The following PIBF1 variants were observed in gnomAD, a reference collection of about 807,000 sequenced individuals.
PIBF1 encodes the protein progesterone immunomodulatory binding factor 1.
PIBF1 carries 90 observed loss-of-function variants against 112.5 expected under a neutral mutation model. The ratio of observed to expected loss-of-function variants is 0.80; its 90% confidence interval spans 0.67 to 0.95. PIBF1 has a LOEUF of 0.95. Among genes scored for constraint, PIBF1 ranks in the 40% least tolerant of loss-of-function variants. PIBF1 has a pLI of 0.00. For synonymous variants in PIBF1, 301 were observed against 288.6 expected (o/e 1.04, Z -0.44); for missense variants, 915 against 852.3 (o/e 1.07, Z -0.92).
intron 16 of PIBF1, among the ~76,000 whole-genome samples, chr13:72,996,935 A>C (rs9318132): frequency 0.66 from 100,671 of 152,038 alleles, 34,400 homozygotes; most frequent in East Asian, 0.84. Flanking sequence ...AATTTTGCTG[A>C]TCTTAAAGTG....
intron 13 of PIBF1, 32 bp downstream of exon 13, chr13:72,917,198 T>TTGAGTAGATA: frequency 7.8e-7 from 1 of 1,288,420 alleles, no homozygotes. Flanking sequence ...TTTATTTATC[T>TTGAGTAGATA]ACTCAAGATG....
At chr13:72,874,223 A>G (rs2039296560) in intron 10 of PIBF1, among the ~76,000 whole-genome samples, 1 of 152,214 alleles carries the variant, frequency 6.6e-6, no homozygotes, top group South Asian at 2.1e-4. Flanking sequence ...TAAACTTAGT[A>G]TAAGACCCAG....
intron 5 of PIBF1, among the ~76,000 whole-genome samples, chr13:72,811,370 A>G (rs147831179): frequency 1.8e-4 from 28 of 152,274 alleles, no homozygotes; most frequent in Non-Finnish European, 2.9e-4. Flanking sequence ...TGGGAGCCCA[A>G]TGTGGATGGA....
At chr13:72,859,503 TC>T (rs1401764514) in intron 10 of PIBF1, among the ~76,000 whole-genome samples, 23 of 152,158 alleles carry the variant, frequency 1.5e-4, no homozygotes, top group Admixed American at 1.1e-3. Context: ...TGCATTTTTG[TC>T]AGTGATTTCA....
intron 16 of PIBF1, among the ~76,000 whole-genome samples, chr13:72,990,414 A>G (rs573688040): frequency 8.8e-5 from 13 of 147,132 alleles, no homozygotes; most frequent in Admixed American, 2.7e-4. Context: ...CCAGCTACTC[A>G]GGAGGCTGAG....
intron 14 of PIBF1, among the ~76,000 whole-genome samples, chr13:72,937,124 T>C (rs1386654671): frequency 1.3e-5 from 2 of 152,270 alleles, no homozygotes; most frequent in African/African-American, 2.4e-5. Context: ...TGATTTTCAA[T>C]TGGAGATTTT....
chr13:72,884,505 G>A (rs1433919619), intron 10 of PIBF1: 1 of 151,926 alleles, frequency 6.6e-6, no homozygotes, highest in African/African-American at 2.4e-5. Context: ...GAAAAGCAAG[G>A]CCCAGGAAAA....
intron 3 of PIBF1, among the ~76,000 whole-genome samples, chr13:72,793,089 A>G (rs577041104): frequency 2.0e-4 from 30 of 152,244 alleles, no homozygotes; most frequent in Non-Finnish European, 3.8e-4. Flanking sequence ...GGCAAACATG[A>G]AATCCATATA....
chr13:72,818,964 G>A (rs1163607719), intron 5 of PIBF1, among the ~76,000 whole-genome samples: 2 of 151,966 alleles, frequency 1.3e-5, no homozygotes, highest in South Asian at 2.1e-4. Context: ...GTTTCTTGTC[G>A]CATTCAGCAG....
rs778631022 is a variant in PIBF1, at chr13:72,827,804, G to C, written c.987G>C (p.Glu329Asp). 6.2e-7 allele frequency: 1 copy of C among 1,604,738 alleles called. No homozygotes were observed. Among genetic ancestry groups the C allele is most frequent in the East Asian group, 2.2e-5 (1 of 44,532 alleles). Residue 329 changes from glutamate to aspartate, a missense_variant, in exon 8 of 18, where the codon GAG becomes GAC. Coordinates refer to ENST00000326291, the MANE Select transcript of PIBF1 (RefSeq NM_006346.4). ...DKEYLNRQNM[E>D]LSVRCAHEED... ...AATATCTTAATCGCCAAAACATGGA[G>C]CTTAGTGTTCGCTGTGCTCATGAAG...
intron 17 of PIBF1, among the ~76,000 whole-genome samples, chr13:73,005,899 G>A (rs1013753643): frequency 6.8e-6 from 1 of 146,758 alleles, no homozygotes; most frequent in African/African-American, 2.5e-5. Flanking sequence ...TCATATTTGT[G>A]TTTAGAAGTT....
chr13:72,885,253 T>C (rs2039801635), intron 10 of PIBF1, among the ~76,000 whole-genome samples: 1 of 152,176 alleles, frequency 6.6e-6, no homozygotes, highest in African/African-American at 2.4e-5. Flanking sequence ...TATAATCATT[T>C]TGGCTTCTCT....
rs564147323 is a variant in PIBF1, at chr13:72,889,943, A to G, written c.1323-3841A>G. Reference sequence around the variant, plus strand: ...ATTTTGTGTACAGAATTCAAAAATCAGTTGTTTCTCATTGAAATAAAAAAG... The same window carrying G: ...ATTTTGTGTACAGAATTCAAAAATCGGTTGTTTCTCATTGAAATAAAAAAG... On this transcript the variant is annotated intron_variant, in intron 10 of 17. Transcript: ENST00000326291. Among the ~76,000 whole-genome samples the G allele has an allele frequency of 7.9e-5, 12 of 152,344 alleles. No homozygotes were observed. In the East Asian group the frequency reaches 2.3e-3, roughly 29 times the overall value.
At chr13:72,985,430 C>T (rs972187036) in intron 16 of PIBF1, among the ~76,000 whole-genome samples, 1 of 147,540 alleles carries the variant, frequency 6.8e-6, no homozygotes, top group Admixed American at 6.8e-5. Flanking sequence ...GTCCCAGCTA[C>T]TTGGGAGGCT....
At chr13:72,913,619 A>G (rs949198812) in intron 12 of PIBF1, among the ~76,000 whole-genome samples, 1 of 152,132 alleles carries the variant, frequency 6.6e-6, no homozygotes, top group African/African-American at 2.4e-5. Flanking sequence ...CTACAAAAAA[A>G]TAAAAAATGA....
intron 10 of PIBF1, among the ~76,000 whole-genome samples, chr13:72,873,392 G>A (rs951354949): frequency 6.6e-6 from 1 of 152,004 alleles, no homozygotes; most frequent in Non-Finnish European, 1.5e-5. Flanking sequence ...GAACCATTAA[G>A]AAAAACTTGT....
chr13:72,953,518 G>T (rs1016256507), intron 14 of PIBF1, among the ~76,000 whole-genome samples: 2 of 152,132 alleles, frequency 1.3e-5, no homozygotes, highest in African/African-American at 4.8e-5. Context: ...TCCCAGCAGC[G>T]GGTACCAGCA....
intron 17 of PIBF1, among the ~76,000 whole-genome samples, chr13:73,000,922 T>A (rs931957503): frequency 6.6e-6 from 1 of 152,220 alleles, no homozygotes; most frequent in Non-Finnish European, 1.5e-5. Context: ...TTATTTTTGC[T>A]TATCTGGATT....
At chr13:72,967,028 C>T (rs879831951) in intron 15 of PIBF1, among the ~76,000 whole-genome samples, 4 of 151,790 alleles carry the variant, frequency 2.6e-5, no homozygotes, top group South Asian at 2.1e-4. Context: ...CTCTGCCTCC[C>T]GGGTTCAAGT....
Sources: gnomAD v4.1 joint callset for allele counts (sites outside exome capture counted in the v4.1 genomes callset) on GRCh38, gnomAD v4.1.1 for gene constraint, MANE v1.5 for transcripts, NCBI Gene and HGNC (gene_info 2026-07-23, HGNC 2026-07-21) for gene names.